Variants in RBFOX1 observed in about 807,000 individuals in gnomAD.
The protein encoded by RBFOX1 is RNA binding protein fox-1 homolog 1.
In RBFOX1, 8 loss-of-function variants were observed where a neutral mutation model predicts 57.7. The ratio of observed to expected loss-of-function variants is 0.14; its 90% CI spans 0.08 to 0.25. The LOEUF is 0.25. Ranked by LOEUF, RBFOX1 falls within the 10% of genes least tolerant of loss-of-function variation. RBFOX1 has a pLI of 1.00. For synonymous variants in RBFOX1, 326 were observed against 222.4 expected (o/e 1.47, Z -4.15); for missense variants, 611 against 548.5 (o/e 1.11, Z -1.14).
intron 1 of RBFOX1, among the ~76,000 whole-genome samples, chr16:5,352,977 G>A (rs1447396335): frequency 6.6e-6 from 1 of 152,092 alleles, no homozygotes; most frequent in Non-Finnish European, 1.5e-5. Context: ...TACATACTTC[G>A]TAGTCAAATT....
In RBFOX1 at chr16:7,457,061, A is replaced by G. The variant is rs531750674; in HGVS notation, c.28-61086A>G. On this transcript the variant is annotated intron_variant, in intron 4 of 15. Transcript: ENST00000550418. ...CACCACCACGCCCGGCTAATTTTGT[A>G]TTTTTAGTAGAGACGGGGTTTCTCC... is the stretch of plus-strand genomic sequence containing the variant. Among the ~76,000 whole-genome samples, 362 of 151,818 alleles carry G rather than the reference A, an allele frequency of 2.4e-3. 2 individuals carry two copies. The highest frequency in any genetic ancestry group is 6.5e-3 in the African/African-American group (271 of 41,390).
In RBFOX1 at chr16:6,811,833, G is replaced by T. The variant is rs375992767; in HGVS notation, c.-16+157183G>T. The stretch of plus-strand genomic sequence containing the variant: ...GAACCTGGGAGGCAGAGGTTACAGT[G>T]AGCCGAGATTGTGCCATTGCACTCG... On this transcript the variant is annotated intron_variant, in intron 3 of 15. Transcript: ENST00000550418. 4.6e-5 allele frequency among the ~76,000 whole-genome samples: 7 copies of T among 152,328 alleles called. No individual in the cohort carries two copies. The South Asian group carries it at 1.2e-3, about 27-fold the overall frequency.
intron 3 of RBFOX1, among the ~76,000 whole-genome samples, chr16:7,015,992 A>G (rs190319765): frequency 2.6e-5 from 4 of 152,122 alleles, no homozygotes; most frequent in Non-Finnish European, 1.5e-5. Context: ...ACCAGTAGTT[A>G]TTGCTGTGTG....
At chr16:7,002,909 A>G (rs1416703289) in intron 3 of RBFOX1, among the ~76,000 whole-genome samples, 4 of 152,166 alleles carry the variant, frequency 2.6e-5, no homozygotes, top group African/African-American at 9.7e-5. Context: ...AGAATAACAC[A>G]AGACAGAAAC....
intron 3 of RBFOX1, among the ~76,000 whole-genome samples, chr16:5,711,315 G>C (rs2051479541): frequency 6.6e-6 from 1 of 152,226 alleles, no homozygotes; most frequent in South Asian, 2.1e-4. Flanking sequence ...GAGGCACAGA[G>C]AGGTTAAGTG....
chr16:6,673,766 G>A (rs2098783021), intron 3 of RBFOX1, among the ~76,000 whole-genome samples: 1 of 152,194 alleles, frequency 6.6e-6, no homozygotes, highest in Admixed American at 6.5e-5. Context: ...CTGTCATGGA[G>A]ATAAGTCGCA....
chr16:5,354,247 G>A (rs978587884), intron 1 of RBFOX1, among the ~76,000 whole-genome samples: 12 of 152,146 alleles, frequency 7.9e-5, no homozygotes, highest in African/African-American at 2.9e-4. Flanking sequence ...TGGTCTTTCT[G>A]TGTCTGTGTC....
At chr16:7,227,597 C>T (rs893463768) in intron 4 of RBFOX1, among the ~76,000 whole-genome samples, 1 of 152,140 alleles carries the variant, frequency 6.6e-6, no homozygotes, top group Non-Finnish European at 1.5e-5. Flanking sequence ...AGCCCGGATG[C>T]CAGCTGCACG....
intron 1 of RBFOX1, among the ~76,000 whole-genome samples, chr16:5,333,717 A>G (rs1046222698): frequency 7.2e-5 from 11 of 152,246 alleles, no homozygotes; most frequent in African/African-American, 2.4e-4. Flanking sequence ...CCTAGATGGT[A>G]TAGTCTGCTA....
At chr16:7,179,301 A>T (rs982328823) in intron 4 of RBFOX1, among the ~76,000 whole-genome samples, 7 of 151,608 alleles carry the variant, frequency 4.6e-5, no homozygotes, top group African/African-American at 1.7e-4. Context: ...GTGTCAAGAG[A>T]TTCTGTGTTC....
chr16:7,696,926 TAAGACATCCAG>T, intron 14 of RBFOX1, among the ~76,000 whole-genome samples: 1 of 151,824 alleles, frequency 6.6e-6, no homozygotes, highest in Non-Finnish European at 1.5e-5. Context: ...TGTCCAGGAG[TAAGACATCCAG>T]TGTGGCCCAC....
intron 1 of RBFOX1, among the ~76,000 whole-genome samples, chr16:6,122,283 T>C (rs2096556240): frequency 6.6e-6 from 1 of 152,104 alleles, no homozygotes; most frequent in South Asian, 2.1e-4. Flanking sequence ...TGTGAGCCTC[T>C]TGACAGTGGG....
In RBFOX1 at chr16:7,273,196, T is replaced by TCCTCCCTC. The variant is rs756342526; in HGVS notation, c.27+221102_27+221109dup. On this transcript the variant is annotated intron_variant, in intron 4 of 15. Coordinates refer to ENST00000550418, the MANE Select transcript of RBFOX1 (RefSeq NM_018723.4). ...TCCCTCCCTTCCTTCCTCCCTTCCT[T>TCCTCCCTC]CCTCCCTCCCTTCCTTCCTTCCTTC... Among the ~76,000 whole-genome samples, 61 of 50,676 alleles carry TCCTCCCTC rather than the reference T, an allele frequency of 1.2e-3. 2 individuals are homozygous for TCCTCCCTC. Among genetic ancestry groups the TCCTCCCTC allele is most frequent in the East Asian group, 3.4e-3 (6 of 1,784 alleles). 33.2% of individuals were successfully genotyped at this position (50,676 alleles called of 152,430 possible).
chr16:7,634,410 A>G (rs1176344769), intron 11 of RBFOX1, among the ~76,000 whole-genome samples: 8 of 151,042 alleles, frequency 5.3e-5, no homozygotes, highest in Non-Finnish European at 1.2e-4. Context: ...CGAGACTTAA[A>G]TTGTACCTCT....
chr16:6,497,723 A>G (rs2095811063), intron 2 of RBFOX1, among the ~76,000 whole-genome samples: 1 of 151,762 alleles, frequency 6.6e-6, no homozygotes, highest in African/African-American at 2.4e-5. Context: ...TGCCTGGCTA[A>G]TTTTTGTATT....
At chr16:7,412,980 T>C (rs974752158) in intron 4 of RBFOX1, among the ~76,000 whole-genome samples, 2 of 151,956 alleles carry the variant, frequency 1.3e-5, no homozygotes, top group African/African-American at 4.8e-5. Context: ...AGGCGGAGCT[T>C]GCAGTGAGCC....
intron 1 of RBFOX1, among the ~76,000 whole-genome samples, chr16:6,257,555 C>T (rs1269122850): frequency 1.3e-5 from 2 of 151,964 alleles, no homozygotes; most frequent in East Asian, 3.9e-4. Flanking sequence ...GTTATTTTTC[C>T]TGATCCTCTC....
At chr16:6,985,985 G>A (rs558825440) in intron 3 of RBFOX1, among the ~76,000 whole-genome samples, 1 of 151,512 alleles carries the variant, frequency 6.6e-6, no homozygotes, top group Non-Finnish European at 1.5e-5. Context: ...TACCGGACGA[G>A]AGAAATTTTT....
intron 4 of RBFOX1, among the ~76,000 whole-genome samples, chr16:7,515,346 G>A (rs555000635): frequency 6.6e-6 from 1 of 151,694 alleles, no homozygotes; most frequent in South Asian, 2.1e-4. Flanking sequence ...AGGGTACAAA[G>A]TGTCAGTTTT....
Sources: allele counts gnomAD v4.1 joint callset (sites outside exome capture counted in the v4.1 genomes callset), GRCh38; gene constraint gnomAD v4.1.1; transcripts MANE v1.5; gene names NCBI Gene and HGNC (gene_info 2026-07-23, HGNC 2026-07-21).